The following ZRANB3 variants were observed in gnomAD, a reference collection of about 807,000 sequenced individuals.
The protein encoded by ZRANB3 is DNA annealing helicase and endonuclease ZRANB3.
In ZRANB3, 125 loss-of-function variants were observed where a neutral mutation model predicts 133.8. That is an observed-to-expected ratio of 0.93 (90% CI 0.81 to 1.08). The LOEUF is 1.08. Among genes scored for constraint, ZRANB3 ranks in the 50% least tolerant of loss-of-function variants. The pLI is 0.00. For synonymous variants in ZRANB3, 387 were observed against 432.7 expected, an observed-to-expected ratio of 0.89 and a Z score of 1.31; for missense variants, 1,229 against 1,275.5, an observed-to-expected ratio of 0.96 and a Z score of 0.56.
intron 2 of ZRANB3, among the ~76,000 whole-genome samples, chr2:135,407,994 A>C (rs1688122006): frequency 6.6e-6 from 1 of 151,846 alleles, no homozygotes; most frequent in Non-Finnish European, 1.5e-5. Flanking sequence ...TAAACTAAAG[A>C]GCTTCTGCAC....
intron 6 of ZRANB3, among the ~76,000 whole-genome samples, chr2:135,323,755 C>G (rs1683656963): frequency 1.3e-5 from 2 of 151,852 alleles, no homozygotes; most frequent in African/African-American, 4.8e-5. Flanking sequence ...TTGATTTTTT[C>G]TCTTTTTTTT....
chr2:135,254,185 A>T (rs1159101317), intron 12 of ZRANB3, among the ~76,000 whole-genome samples: 1 of 152,148 alleles, frequency 6.6e-6, no homozygotes, highest in East Asian at 1.9e-4. Flanking sequence ...CTCTGCCTGA[A>T]ATTGGACCTA....
intron 2 of ZRANB3, among the ~76,000 whole-genome samples, chr2:135,453,689 G>C (rs760855762): frequency 6.6e-6 from 1 of 152,102 alleles, no homozygotes. Context: ...CTCCATCTGA[G>C]ACCACCTCAG....
At chr2:135,495,796 C>G (rs1238036970) in intron 2 of ZRANB3, among the ~76,000 whole-genome samples, 1 of 152,190 alleles carries the variant, frequency 6.6e-6, no homozygotes, top group Non-Finnish European at 1.5e-5. Flanking sequence ...TATATCTTGA[C>G]TGAGGTTTTT....
chr2:135,345,124 G>C (rs1684856699), intron 6 of ZRANB3: 3 of 152,196 alleles, frequency 2.0e-5, no homozygotes, highest in African/African-American at 7.2e-5. Context: ...GGAAAACTTT[G>C]CCATTATCTA....
intron 2 of ZRANB3, among the ~76,000 whole-genome samples, chr2:135,397,441 C>T (rs1336501828): frequency 1.4e-5 from 2 of 142,730 alleles, no homozygotes; most frequent in Non-Finnish European, 3.0e-5. Flanking sequence ...AAGCCAGACC[C>T]TGACTCAAAA....
intron 2 of ZRANB3, among the ~76,000 whole-genome samples, chr2:135,418,925 CTTTTT>C (rs769271961): frequency 3.5e-4 from 30 of 85,886 alleles, no homozygotes; most frequent in African/African-American, 1.2e-3. Flanking sequence ...AGGATTCTCT[CTTTTT>C]TTTTTTTTTT....
chr2:135,426,862 AAATATATATATATATATATATATATATAT>A lies in ZRANB3; in HGVS notation c.162-36071_162-36043del, dbSNP rs1689111448. Reference sequence around the variant, plus strand: ...AAAAAAAAAAAAAAAAAAAAAAAAAAAATATATATATATATATATATATATATATATATATATATATATATATATGTGCA... The same window carrying A: ...AAAAAAAAAAAAAAAAAAAAAAAAAAATATATATATATATATATATGTGCA... On this transcript the variant is annotated intron_variant, in intron 2 of 20. Coordinates refer to ENST00000264159, the MANE Select transcript of ZRANB3 (RefSeq NM_032143.4). Among the ~76,000 whole-genome samples the A allele has an allele frequency of 1.1e-4, 4 of 37,186 alleles. 1 individual carries two copies. The highest frequency in any genetic ancestry group is 8.8e-4 in the African/African-American group (4 of 4,528). The allele number at this position is 37,186 out of a possible 152,430, so 24.4% of individuals were successfully genotyped here. A position where few individuals can be genotyped will look rare whatever the true frequency, so the allele number is the denominator to read the frequency against.
chr2:135,507,291 A>G (rs952030308), intron 1 of ZRANB3, among the ~76,000 whole-genome samples: 1 of 152,190 alleles, frequency 6.6e-6, no homozygotes, highest in African/African-American at 2.4e-5. Flanking sequence ...ATAAGATAAG[A>G]AGTGGAAATG....
chr2:135,436,977 T>G (rs890364097), intron 2 of ZRANB3, among the ~76,000 whole-genome samples: 4 of 152,242 alleles, frequency 2.6e-5, no homozygotes, highest in African/African-American at 9.6e-5. Flanking sequence ...ATTCTTTTTT[T>G]GAGACGGAGT....
At chr2:135,296,400 A>T (rs894829143) in intron 8 of ZRANB3, among the ~76,000 whole-genome samples, 6 of 152,148 alleles carry the variant, frequency 3.9e-5, no homozygotes, top group African/African-American at 1.4e-4. Flanking sequence ...TTCGTCATGC[A>T]GCTCTCGTGC....
chr2:135,375,714 G>A (rs1686398403), intron 3 of ZRANB3, among the ~76,000 whole-genome samples: 1 of 151,620 alleles, frequency 6.6e-6, no homozygotes, highest in Non-Finnish European at 1.5e-5. Flanking sequence ...AAGTTGGCCG[G>A]GGTGGTGGAG....
At chr2:135,450,995 G>A (rs1417177752) in intron 2 of ZRANB3, among the ~76,000 whole-genome samples, 1 of 152,172 alleles carries the variant, frequency 6.6e-6, no homozygotes, top group Non-Finnish European at 1.5e-5. Context: ...AGATTTGAGG[G>A]AACAATCTCC....
intron 2 of ZRANB3, among the ~76,000 whole-genome samples, chr2:135,478,883 A>G (rs1354184981): frequency 2.6e-5 from 4 of 151,774 alleles, no homozygotes; most frequent in Admixed American, 6.6e-5. Flanking sequence ...TACCTGTTAT[A>G]TGTATATATG....
chr2:135,208,252 A>G (rs1339958557), intron 18 of ZRANB3, among the ~76,000 whole-genome samples: 2 of 152,180 alleles, frequency 1.3e-5, no homozygotes, highest in Non-Finnish European at 2.9e-5. Flanking sequence ...GGTAATTACA[A>G]ACTCTCTCCT....
At chr2:135,407,551 C>A (rs1688098182) in intron 2 of ZRANB3, among the ~76,000 whole-genome samples, 1 of 147,082 alleles carries the variant, frequency 6.8e-6, no homozygotes, top group African/African-American at 2.7e-5. Flanking sequence ...CTGGAGGCAT[C>A]ACACTACCTG....
At chr2:135,511,683 A>C (rs1336158615) in intron 1 of ZRANB3, 2 of 767,338 alleles carry the variant, frequency 2.6e-6, no homozygotes, top group Non-Finnish European at 4.9e-6. Flanking sequence ...CCACACCATC[A>C]TTTAGTGTGG....
At position 135,396,755 on chromosome 2, in the gene ZRANB3, C is replaced by T. The variant is rs563506840; in HGVS notation, c.162-5935G>A. On this transcript the variant is annotated intron_variant, in intron 2 of 20. Transcript: ENST00000264159. Reference sequence around the variant, plus strand: ...TAATATCTAGTATTCAATAGCACAACGGGGTGACTATAGTCAATAATAATT... The same window carrying T: ...TAATATCTAGTATTCAATAGCACAATGGGGTGACTATAGTCAATAATAATT... Among the ~76,000 whole-genome samples the T allele has an allele frequency of 1.3e-4, 19 of 151,686 alleles. 1 individual carries two copies. Among genetic ancestry groups the T allele is most frequent in the Middle Eastern group, 6.8e-3 (2 of 292 alleles).
At chr2:135,313,744 T>G (rs1319376998) in intron 7 of ZRANB3, 139 bp from the exon 8 acceptor site, 4 of 523,672 alleles carry the variant, frequency 7.6e-6, no homozygotes, top group Non-Finnish European at 1.3e-5. Context: ...GATTCCAACA[T>G]GTTCATTTAA....
Sources: gnomAD v4.1 joint callset for allele counts (sites outside exome capture counted in the v4.1 genomes callset) on GRCh38, gnomAD v4.1.1 for gene constraint, MANE v1.5 for transcripts, NCBI Gene and HGNC (gene_info 2026-07-23, HGNC 2026-07-21) for gene names.